TAFA1: variants seen among roughly 807,000 people sequenced by gnomAD.
TAFA1 encodes the protein chemokine-like protein TAFA-1.
In TAFA1, 4 loss-of-function variants were observed where a neutral mutation model predicts 18.5. That is an observed-to-expected ratio of 0.22 (90% CI 0.11 to 0.49). The LOEUF (loss-of-function observed/expected upper bound fraction) is 0.49, where lower values mean the gene tolerates loss of function less well. TAFA1 is among the 20% of genes least tolerant of loss of function. The pLI is 0.98. For synonymous variants in TAFA1, 56 were observed against 55.2 expected (o/e 1.01, Z -0.06); for missense variants, 147 against 169.0 (o/e 0.87, Z 0.72).
rs534926388 is a variant in TAFA1 at position 68,241,494 on chromosome 3, T to A, written c.119-175786T>A. Among the ~76,000 whole-genome samples the A allele has an allele frequency of 2.0e-5, 3 of 152,260 alleles. No individual in the cohort carries two copies. The South Asian group carries it at 6.2e-4, about 32-fold the overall frequency. Reference sequence around the variant, plus strand: ...ATTGTGTTTTCAGCTTACAAATGAATCAGCGCAAAGAGAAATAGTACTTTA... The same window carrying A: ...ATTGTGTTTTCAGCTTACAAATGAAACAGCGCAAAGAGAAATAGTACTTTA... On this transcript the variant is annotated intron_variant, in intron 2 of 4. Transcript: ENST00000478136.
intron 2 of TAFA1, among the ~76,000 whole-genome samples, chr3:68,094,222 C>T (rs1449971276): frequency 6.6e-6 from 1 of 152,068 alleles, no homozygotes; most frequent in Non-Finnish European, 1.5e-5. Context: ...CTAATTCCAT[C>T]CATCATGATT....
At chr3:68,333,373 A>T (rs1419351360) in intron 2 of TAFA1, among the ~76,000 whole-genome samples, 1 of 152,218 alleles carries the variant, frequency 6.6e-6, no homozygotes, top group African/African-American at 2.4e-5. Context: ...TCTTAAGCAA[A>T]CTAACACAGA....
intron 2 of TAFA1, among the ~76,000 whole-genome samples, chr3:68,089,065 GAGAGTCAATATTTTGGTTT>G (rs1326329172): frequency 1.3e-5 from 2 of 152,086 alleles, no homozygotes; most frequent in African/African-American, 2.4e-5. Context: ...AGTGGGGGAG[GAGAGTCAATATTTTGGTTT>G]TGCACGTGCT....
In TAFA1 at chr3:68,119,813, G is replaced by A. The variant is rs139939542; in HGVS notation, c.118+113069G>A. On this transcript the variant is annotated intron_variant, in intron 2 of 4. Coordinates refer to ENST00000478136, the MANE Select transcript of TAFA1 (RefSeq NM_213609.4). The stretch of plus-strand genomic sequence containing the variant: ...GTTTGAAACTAGGAAGTGTGGGACC[G>A]TCAACCTTTTTCTTCTTTTTCAAGA... Among the ~76,000 whole-genome samples, 1,190 of 152,266 alleles carry A rather than the reference G, an allele frequency of 7.8e-3. 11 individuals carry two copies. Among genetic ancestry groups the A allele is most frequent in the African/African-American group, 0.025 (1,042 of 41,558 alleles).
chr3:68,333,043 C>T (rs1559621397), intron 2 of TAFA1, among the ~76,000 whole-genome samples: 1 of 152,170 alleles, frequency 6.6e-6, no homozygotes, highest in Non-Finnish European at 1.5e-5. Flanking sequence ...AACACCTATA[C>T]ACTGCTGGTA....
At chr3:68,052,863 G>C (rs1159475317) in intron 2 of TAFA1, among the ~76,000 whole-genome samples, 1 of 152,132 alleles carries the variant, frequency 6.6e-6, no homozygotes, top group Non-Finnish European at 1.5e-5. Context: ...TAATTAATAA[G>C]GGGAACAGGA....
chr3:68,028,038 A>G (rs1412685439), intron 2 of TAFA1, among the ~76,000 whole-genome samples: 1 of 152,128 alleles, frequency 6.6e-6, no homozygotes, highest in East Asian at 1.9e-4. Flanking sequence ...GTATAGTTCA[A>G]TAGAAATATG....
intron 3 of TAFA1, among the ~76,000 whole-genome samples, chr3:68,439,558 G>A (rs977582639): frequency 4.6e-5 from 7 of 151,408 alleles, no homozygotes; most frequent in East Asian, 2.0e-4. Flanking sequence ...CTTGGAATCC[G>A]ATGTTTGAGG....
At chr3:68,246,706 A>T (rs1048287072) in intron 2 of TAFA1, 2 of 151,930 alleles carry the variant, frequency 1.3e-5, no homozygotes, top group African/African-American at 4.8e-5. Flanking sequence ...TCCAAATGAC[A>T]AAGCACTATC....
intron 2 of TAFA1, among the ~76,000 whole-genome samples, chr3:68,051,302 G>A (rs1575592027): frequency 6.6e-6 from 1 of 152,128 alleles, no homozygotes; most frequent in South Asian, 2.1e-4. Flanking sequence ...TTCTATTGGA[G>A]AAAAGACAAC....
intron 2 of TAFA1, among the ~76,000 whole-genome samples, chr3:68,105,744 T>C (rs183427412): frequency 2.8e-4 from 42 of 152,300 alleles, no homozygotes; most frequent in Non-Finnish European, 5.4e-4. Flanking sequence ...TTGCAGAGGC[T>C]TGTCTCTATG....
At chr3:68,430,730 C>T (rs2071154002) in intron 3 of TAFA1, among the ~76,000 whole-genome samples, 1 of 151,980 alleles carries the variant, frequency 6.6e-6, no homozygotes, top group Non-Finnish European at 1.5e-5. Flanking sequence ...TTGTTACCCA[C>T]ACAGGGTTGC....
At chr3:68,054,719 A>C (rs769379193) in intron 2 of TAFA1, among the ~76,000 whole-genome samples, 1 of 152,224 alleles carries the variant, frequency 6.6e-6, no homozygotes, top group Non-Finnish European at 1.5e-5. Context: ...ACTGTTTACT[A>C]TCTGGTGCTT....
At chr3:68,533,672 G>A (rs1480971324) in intron 3 of TAFA1, among the ~76,000 whole-genome samples, 2 of 152,190 alleles carry the variant, frequency 1.3e-5, no homozygotes, top group African/African-American at 4.8e-5. Flanking sequence ...TTGAGGTGGG[G>A]AGAGGATCGA....
chr3:67,991,750 AG>A, the TAFA1 span, among the ~76,000 whole-genome samples: 1 of 152,212 alleles, frequency 6.6e-6, no homozygotes, highest in South Asian at 2.1e-4. Context: ...CTGGCATCCC[AG>A]GATCTCCAGC....
intron 2 of TAFA1, among the ~76,000 whole-genome samples, chr3:68,220,985 G>C (rs1430871293): frequency 6.6e-6 from 1 of 152,078 alleles, no homozygotes; most frequent in Non-Finnish European, 1.5e-5. Flanking sequence ...CCCAGAAACA[G>C]AATGATCTTA....
At chr3:68,456,589 T>C (rs2071670553) in intron 3 of TAFA1, among the ~76,000 whole-genome samples, 1 of 152,218 alleles carries the variant, frequency 6.6e-6, no homozygotes, top group Non-Finnish European at 1.5e-5. Context: ...TCTTTCACCT[T>C]CCTTTTGTTT....
intron 2 of TAFA1, among the ~76,000 whole-genome samples, chr3:68,061,012 C>G (rs752677022): frequency 2.6e-5 from 4 of 152,166 alleles, no homozygotes; most frequent in Non-Finnish European, 4.4e-5. Flanking sequence ...TGTGTGTACT[C>G]TCTTTCTTGC....
At chr3:68,309,672 G>T (rs896109990) in intron 2 of TAFA1, among the ~76,000 whole-genome samples, 5 of 152,180 alleles carry the variant, frequency 3.3e-5, no homozygotes, top group Non-Finnish European at 5.9e-5. Flanking sequence ...GTTGGCAGTG[G>T]CAGAAGCTGC....
Sources: allele counts gnomAD v4.1 joint callset (sites outside exome capture counted in the v4.1 genomes callset), GRCh38; gene constraint gnomAD v4.1.1; transcripts MANE v1.5; gene names NCBI Gene and HGNC (gene_info 2026-07-23, HGNC 2026-07-21).